ADCY2: variants seen among roughly 807,000 people sequenced by gnomAD.
The protein encoded by ADCY2 is adenylate cyclase type 2.
A neutral mutation model predicts 125.2 loss-of-function variants in ADCY2; 31 were observed. That is an observed-to-expected ratio of 0.25 (90% CI 0.19 to 0.33). The LOEUF (loss-of-function observed/expected upper bound fraction) is 0.33. Among genes scored for constraint, ADCY2 ranks in the 10% least tolerant of loss-of-function variants. The pLI, the probability that ADCY2 is intolerant of heterozygous loss-of-function variation, is 1.00. For synonymous variants in ADCY2, 512 were observed against 548.4 expected (o/e 0.93, Z 0.93); for missense variants, 904 against 1,418.2 (o/e 0.64, Z 5.82).
At chr5:7,455,627 T>C (rs970379356) in intron 2 of ADCY2, among the ~76,000 whole-genome samples, 2 of 147,252 alleles carry the variant, frequency 1.4e-5, no homozygotes, top group East Asian at 2.0e-4. Context: ...TTACATATGG[T>C]ATATGTATAT....
chr5:7,661,404 A>G (rs1355578663), intron 4 of ADCY2, among the ~76,000 whole-genome samples: 1 of 152,234 alleles, frequency 6.6e-6, no homozygotes, highest in East Asian at 1.9e-4. Context: ...CAAAAGAACC[A>G]CAAGACAAAC....
At chr5:7,647,188 C>T (rs1393466479) in intron 4 of ADCY2, among the ~76,000 whole-genome samples, 1 of 152,090 alleles carries the variant, frequency 6.6e-6, no homozygotes, top group Non-Finnish European at 1.5e-5. Flanking sequence ...TGTGACCAAC[C>T]CTGGATTTTT....
At chr5:7,819,447 C>G (rs932346555) in intron 23 of ADCY2, among the ~76,000 whole-genome samples, 1 of 152,188 alleles carries the variant, frequency 6.6e-6, no homozygotes, top group Non-Finnish European at 1.5e-5. Flanking sequence ...TTTTCCTGGT[C>G]TAGACTTCAG....
intron 2 of ADCY2, among the ~76,000 whole-genome samples, chr5:7,472,110 A>T (rs1742361496): frequency 6.6e-6 from 1 of 152,092 alleles, no homozygotes; most frequent in African/African-American, 2.4e-5. Context: ...TCTGTAGAAG[A>T]ATTCTCAGCT....
At chr5:7,480,955 A>C (rs181912204) in intron 2 of ADCY2, among the ~76,000 whole-genome samples, 1 of 152,252 alleles carries the variant, frequency 6.6e-6, no homozygotes, top group African/African-American at 2.4e-5. Flanking sequence ...GGGAATGCAG[A>C]TATCTCTTTG....
At chr5:7,789,533 G>T in intron 19 of ADCY2, 109 bp from the exon 20 acceptor site, 3 of 1,103,900 alleles carry the variant, frequency 2.7e-6, no homozygotes, top group East Asian at 2.4e-5. Flanking sequence ...CTGTTTGGGG[G>T]TTCTTTTTTC....
chr5:7,583,349 T>C (rs1736496973), intron 3 of ADCY2, among the ~76,000 whole-genome samples: 1 of 152,084 alleles, frequency 6.6e-6, no homozygotes, highest in South Asian at 2.1e-4. Context: ...TTATAATATT[T>C]ATATTGAAAT....
At chr5:7,753,705 C>T (rs1742898919) in intron 15 of ADCY2, among the ~76,000 whole-genome samples, 1 of 152,138 alleles carries the variant, frequency 6.6e-6, no homozygotes, top group South Asian at 2.1e-4. Context: ...CAGGTTCCTT[C>T]CATTTTAGAA....
chr5:7,766,545 T>C, intron 16 of ADCY2, 142 bp from the exon 17 acceptor site: 1 of 762,098 alleles, frequency 1.3e-6, no homozygotes, highest in Non-Finnish European at 2.1e-6. Flanking sequence ...GTTAATTACT[T>C]ATTCAATAGA....
intron 4 of ADCY2, among the ~76,000 whole-genome samples, chr5:7,636,923 T>C (rs1328705283): frequency 6.6e-6 from 1 of 152,190 alleles, no homozygotes; most frequent in Non-Finnish European, 1.5e-5. Context: ...TTCCCACAGC[T>C]CTTCTGATGT....
In ADCY2 at chr5:7,536,766, T is replaced by C. The variant is rs1734825707; in HGVS notation, c.570+15867T>C. ...ACATGTTCTCACTCATAAGTGGGAG[T>C]CGAACAAGGAGAACACAGGGACACA... On this transcript the variant is annotated intron_variant, in intron 3 of 24. Coordinates refer to ENST00000338316, the MANE Select transcript of ADCY2 (RefSeq NM_020546.3). Among the ~76,000 whole-genome samples the C allele has an allele frequency of 3.4e-5, 5 of 145,634 alleles. No homozygotes were observed. The South Asian group carries it at 1.1e-3, about 31-fold the overall frequency.
intron 3 of ADCY2, among the ~76,000 whole-genome samples, chr5:7,581,277 T>C (rs1221115714): frequency 6.6e-6 from 1 of 152,134 alleles, no homozygotes; most frequent in Non-Finnish European, 1.5e-5. Flanking sequence ...ATGACAGGGA[T>C]AGTATATAGT....
intron 2 of ADCY2, among the ~76,000 whole-genome samples, chr5:7,507,424 G>T: frequency 9.9e-6 from 1 of 101,378 alleles, no homozygotes; most frequent in South Asian, 3.4e-4. Flanking sequence ...CTGGGCGACA[G>T]AGCGAGACTC....
At chr5:7,767,389 T>C (rs1049652396) in intron 17 of ADCY2, among the ~76,000 whole-genome samples, 1 of 152,150 alleles carries the variant, frequency 6.6e-6, no homozygotes, top group Non-Finnish European at 1.5e-5. Context: ...TTAACAACTT[T>C]GTCCTTCCAT....
chr5:7,786,946 T>C (rs1006665392), intron 19 of ADCY2, among the ~76,000 whole-genome samples: 1 of 152,194 alleles, frequency 6.6e-6, no homozygotes. Context: ...CACTTGAGGC[T>C]GTGCTAGATG....
At chr5:7,809,511 T>C (rs1409642907) in intron 22 of ADCY2, among the ~76,000 whole-genome samples, 1 of 152,256 alleles carries the variant, frequency 6.6e-6, no homozygotes, top group Non-Finnish European at 1.5e-5. Flanking sequence ...CAAAATACTT[T>C]CTATTTATTG....
intron 2 of ADCY2, among the ~76,000 whole-genome samples, chr5:7,458,013 T>C (rs1332970077): frequency 2.0e-5 from 3 of 152,216 alleles, no homozygotes; most frequent in African/African-American, 7.2e-5. Context: ...GTATGATTTC[T>C]CAAATGTATT....
At chr5:7,515,882 G>A (rs1276399096) in intron 2 of ADCY2, among the ~76,000 whole-genome samples, 1 of 152,164 alleles carries the variant, frequency 6.6e-6, no homozygotes, top group Non-Finnish European at 1.5e-5. Context: ...TTTAAATGCT[G>A]TGAATAAGTA....
chr5:7,524,993 T>TTTTA (rs140324152), intron 3 of ADCY2, among the ~76,000 whole-genome samples: 2,628 of 152,052 alleles, frequency 0.017, 96 homozygotes, highest in African/African-American at 0.06. Flanking sequence ...AGCATCACTA[T>TTTTA]TTTATTTATT....
Sources: gnomAD v4.1 joint callset for allele counts (sites outside exome capture counted in the v4.1 genomes callset) on GRCh38, gnomAD v4.1.1 for gene constraint, MANE v1.5 for transcripts, NCBI Gene and HGNC (gene_info 2026-07-23, HGNC 2026-07-21) for gene names.